The following SAMD5 variants were observed in gnomAD, a reference collection of about 807,000 sequenced individuals.
SAMD5 encodes sterile alpha motif domain containing 5, also known as sterile alpha motif domain-containing protein 5.
A neutral mutation model predicts 11.3 loss-of-function variants in SAMD5; 13 were observed. The ratio of observed to expected loss-of-function variants is 1.15; its 90% CI spans 0.75 to 1.83. SAMD5 has a LOEUF of 1.83. Among genes scored for constraint, SAMD5 ranks in the 40% most tolerant of loss-of-function variants. The pLI, the probability that SAMD5 is intolerant of heterozygous loss-of-function variation, is 0.00. For missense variants in SAMD5, 255 were observed against 239.1 expected (o/e 1.07, Z -0.44); for synonymous variants, 129 against 111.3 (o/e 1.16, Z -1.00).
At chr6:147,570,204 T>C (rs1321511665), downstream of SAMD5, among the ~76,000 whole-genome samples, 1 of 152,146 alleles carries the variant, frequency 6.6e-6, no homozygotes, top group Non-Finnish European at 1.5e-5. Context: ...CAAAGTGAAA[T>C]AAATCCATCT....
chr6:147,891,432 A>C, the SAMD5 span, among the ~76,000 whole-genome samples: 3 of 152,184 alleles, frequency 2.0e-5, no homozygotes, highest in Admixed American at 1.3e-4. Flanking sequence ...TGCTTTATTC[A>C]TTCATGGTCT....
the SAMD5 span, among the ~76,000 whole-genome samples, chr6:147,777,676 C>G: frequency 6.6e-6 from 1 of 152,140 alleles, no homozygotes; most frequent in Non-Finnish European, 1.5e-5. Context: ...GTAATAATTT[C>G]CCATTCCTCC....
chr6:147,769,750 A>G, the SAMD5 span, among the ~76,000 whole-genome samples: 1 of 152,192 alleles, frequency 6.6e-6, no homozygotes, highest in African/African-American at 2.4e-5. Flanking sequence ...TTTCTGCCTA[A>G]GGAGATTAGG....
intron 1 of SAMD5, among the ~76,000 whole-genome samples, chr6:147,735,369 G>T (rs1791781876): frequency 6.6e-6 from 1 of 152,138 alleles, no homozygotes; most frequent in Non-Finnish European, 1.5e-5. Flanking sequence ...TGACTTTTTT[G>T]TGTGTGAAGA....
chr6:147,791,628 A>G, the SAMD5 span, among the ~76,000 whole-genome samples: 1 of 152,152 alleles, frequency 6.6e-6, no homozygotes, highest in Non-Finnish European at 1.5e-5. Flanking sequence ...TGGCCTGTGA[A>G]TCGTTTCATT....
the SAMD5 span, among the ~76,000 whole-genome samples, chr6:147,821,596 G>A: frequency 3.9e-5 from 6 of 152,164 alleles, no homozygotes; most frequent in Non-Finnish European, 5.9e-5. Flanking sequence ...ATGCTGATAC[G>A]ATTCTACAAG....
chr6:147,877,905 A>AC, the SAMD5 span, among the ~76,000 whole-genome samples: 4 of 82,316 alleles, frequency 4.9e-5, no homozygotes, highest in African/African-American at 1.6e-4. Flanking sequence ...CTAGATAGAT[A>AC]GATAGCTAGC....
At chr6:147,859,385 C>T in the SAMD5 span, among the ~76,000 whole-genome samples, 1 of 152,178 alleles carries the variant, frequency 6.6e-6, no homozygotes, top group Non-Finnish European at 1.5e-5. Flanking sequence ...TTTCAAATGA[C>T]ATCATGTGGC....
At chr6:147,822,350 C>T in the SAMD5 span, among the ~76,000 whole-genome samples, 9 of 152,218 alleles carry the variant, frequency 5.9e-5, no homozygotes, top group South Asian at 6.2e-4. Flanking sequence ...ATTCCTTTAA[C>T]GGTGAATGTG....
At chr6:147,934,842 A>G in the SAMD5 span, among the ~76,000 whole-genome samples, 2 of 152,186 alleles carry the variant, frequency 1.3e-5, no homozygotes, top group African/African-American at 4.8e-5. Flanking sequence ...TATTGTGGTC[A>G]GTAGCTGTGG....
At chr6:147,797,033 T>C in the SAMD5 span, among the ~76,000 whole-genome samples, 2 of 132,032 alleles carry the variant, frequency 1.5e-5, no homozygotes, top group African/African-American at 6.5e-5. Flanking sequence ...TTTGACTTCC[T>C]CTTTTCCTAA....
chr6:147,698,973 T>C (rs1173921531), intron 1 of SAMD5, among the ~76,000 whole-genome samples: 1 of 152,088 alleles, frequency 6.6e-6, no homozygotes. Context: ...AGGAGGCTGG[T>C]GTGGCTGGCC....
chr6:147,554,037 C>T (rs913213091), intron 1 of SAMD5, among the ~76,000 whole-genome samples: 5 of 152,078 alleles, frequency 3.3e-5, no homozygotes, highest in Non-Finnish European at 5.9e-5. Flanking sequence ...CTTTAATTGA[C>T]TCACAGAACT....
rs1367888498 is a variant in SAMD5, at chr6:147,512,454, G to A, written c.459+3067G>A. Among the ~76,000 whole-genome samples, 2 of 152,180 alleles carry A rather than the reference G, an allele frequency of 1.3e-5. 1 individual carries two copies. The highest frequency in any genetic ancestry group is 4.1e-4 in the South Asian group (2 of 4,834). ...CTTACAGAGGAAAGTAAGTTGAGGG[G>A]TCTTCCCAAGAATCACCTGAAAGGA... is the stretch of plus-strand genomic sequence containing the variant. On this transcript the variant is annotated intron_variant, in intron 1 of 1. Coordinates refer to ENST00000367474, the MANE Select transcript of SAMD5 (RefSeq NM_001030060.3).
At chr6:147,547,376 G>T (rs1408923625) in intron 1 of SAMD5, among the ~76,000 whole-genome samples, 1 of 152,118 alleles carries the variant, frequency 6.6e-6, no homozygotes, top group East Asian at 1.9e-4. Context: ...GGAGGTTCTG[G>T]GGGCAGAATC....
At chr6:147,629,993 A>G (rs1790123476) in intron 1 of SAMD5, among the ~76,000 whole-genome samples, 1 of 135,948 alleles carries the variant, frequency 7.4e-6, no homozygotes, top group Non-Finnish European at 1.5e-5. Flanking sequence ...TTTGTTGCCC[A>G]GGCTGTGGTG....
intron 1 of SAMD5, among the ~76,000 whole-genome samples, chr6:147,609,679 C>G (rs547123673): frequency 1.3e-5 from 2 of 152,242 alleles, no homozygotes; most frequent in Admixed American, 6.5e-5. Context: ...ACCTCAGCCT[C>G]CTGAGTAGCT....
At chr6:147,539,444 G>T (rs1788564628) in intron 1 of SAMD5, among the ~76,000 whole-genome samples, 1 of 152,102 alleles carries the variant, frequency 6.6e-6, no homozygotes, top group African/African-American at 2.4e-5. Flanking sequence ...ACACACCAAA[G>T]TTCTTTCATA....
chr6:147,808,218 T>G, the SAMD5 span, among the ~76,000 whole-genome samples: 1 of 152,196 alleles, frequency 6.6e-6, no homozygotes, highest in East Asian at 1.9e-4. Context: ...TATTATTTTT[T>G]TAGAGACTGG....
Sources: allele counts gnomAD v4.1 joint callset (sites outside exome capture counted in the v4.1 genomes callset), GRCh38; gene constraint gnomAD v4.1.1; transcripts MANE v1.5; gene names NCBI Gene and HGNC (gene_info 2026-07-23, HGNC 2026-07-21).